LPA: variants seen among roughly 807,000 people sequenced by gnomAD.
LPA encodes the protein apolipoprotein(a).
A neutral mutation model predicts 197.9 loss-of-function variants in LPA; 199 were observed. The ratio of observed to expected loss-of-function variants is 1.01; its 90% confidence interval spans 0.90 to 1.13. The LOEUF (loss-of-function observed/expected upper bound fraction) is 1.13, where lower values mean the gene tolerates loss of function less well. Ranked by LOEUF, LPA falls within the 50% of genes most tolerant of loss-of-function variation. LPA has a pLI of 0.00. For missense variants in LPA, 1,853 were observed against 1,785.8 expected (o/e 1.04, Z -0.68); for synonymous variants, 715 against 639.5 (o/e 1.12, Z -1.78).
rs901195829 is a variant in LPA at position 160,655,094 on chromosome 6, C to T, written c.50-4597G>A. Among the ~76,000 whole-genome samples, 7 of 152,164 alleles carry T rather than the reference C, an allele frequency of 4.6e-5. No homozygotes were observed. In the East Asian group the frequency reaches 5.8e-4, roughly 13 times the overall value. On this transcript the variant is annotated intron_variant, in intron 1 of 38. Transcript: ENST00000316300. ...CCACTTCAATTTGATGATGAAATGCCGCTGTGCTGACCCACTTCATGGCTA... is the reference window on the plus strand; with the variant it reads ...CCACTTCAATTTGATGATGAAATGCTGCTGTGCTGACCCACTTCATGGCTA...
intron 30 of LPA, among the ~76,000 whole-genome samples, chr6:160,551,458 G>C (rs1016964296): frequency 3.9e-5 from 6 of 152,198 alleles, no homozygotes; most frequent in Admixed American, 2.6e-4. Flanking sequence ...TATATGGACA[G>C]AGAGCATTTT....
At chr6:160,551,364 A>C (rs1294215735) in intron 30 of LPA, among the ~76,000 whole-genome samples, 2 of 152,170 alleles carry the variant, frequency 1.3e-5, no homozygotes, top group Non-Finnish European at 2.9e-5. Context: ...ATGCCTATTC[A>C]ATCTGTTGCC....
chr6:160,544,281 G>C (rs1356379437), intron 33 of LPA, among the ~76,000 whole-genome samples: 1 of 152,072 alleles, frequency 6.6e-6, no homozygotes, highest in Non-Finnish European at 1.5e-5. Flanking sequence ...CAGAAGCGGA[G>C]AACTGGAACT....
chr6:160,635,621 T>A (rs1416106175), intron 6 of LPA, among the ~76,000 whole-genome samples: 1 of 124,920 alleles, frequency 8.0e-6, no homozygotes, highest in Non-Finnish European at 1.7e-5. Context: ...TCCTACCCAA[T>A]CCATCTCTCT....
chr6:160,605,244 A>G (rs1412529683), intron 17 of LPA, 39 bp from the exon 18 acceptor site: 1 of 1,608,654 alleles, frequency 6.2e-7, no homozygotes, highest in Non-Finnish European at 8.5e-7. Flanking sequence ...GAGTGTTTCC[A>G]AGAAGAGACA....
Position 160,611,552 on chromosome 6 carries a change from A to G in LPA, c.2603+10T>C, listed in dbSNP as rs375293266. Reference sequence around the variant, plus strand: ...CCTTTATTCTCTTATGGTAAAGAACAAAGACATACGCATTTGGGTAGTATT... The same window carrying G: ...CCTTTATTCTCTTATGGTAAAGAACGAAGACATACGCATTTGGGTAGTATT... On this transcript the variant is annotated intron_variant, in intron 16 of 38. Coordinates refer to ENST00000316300, the MANE Select transcript of LPA (RefSeq NM_005577.4). The G allele has an allele frequency of 6.2e-7, 1 of 1,606,952 alleles. No individual in the cohort carries two copies. Among genetic ancestry groups the G allele is most frequent in the East Asian group, 2.2e-5 (1 of 44,854 alleles).
chr6:160,606,642 A>T lies in LPA; in HGVS notation c.2620T>A (p.Tyr874Asn), dbSNP rs866017029. 7 of 1,614,086 alleles carry T rather than the reference A, an allele frequency of 4.3e-6. No homozygotes were observed. In the Middle Eastern group the frequency reaches 6.6e-4, roughly 153 times the overall value. Reference sequence around the variant, plus strand: ...GCCACAGGATCTGGATTCCTGCAGTAGTTCATGATCAAGCCACTGGAAATT... The same window carrying T: ...GCCACAGGATCTGGATTCCTGCAGTTGTTCATGATCAAGCCACTGGAAATT... The part of the protein sequence containing the change: ...YYPNAGLIMN[Y>N]CRNPDPVAAP... Residue 874 changes from tyrosine to asparagine, a missense_variant, in exon 17 of 39, where the codon TAC (tyrosine) becomes AAC (asparagine). By Grantham distance (143) the Tyr-to-Asn change is moderately radical. Transcript: ENST00000316300.
rs111771659 is a variant in LPA, at chr6:160,611,463, A to T, written c.2603+99T>A. On this transcript the variant is annotated intron_variant, in intron 16 of 38. Transcript: ENST00000316300. ...CATTTTGCTACACCATCTGAATCTG[A>T]CACAAGTTGAGTTCGGAGAACTCAG... 293 of 1,548,024 alleles carry T rather than the reference A, an allele frequency of 1.9e-4. 4 individuals carry two copies. Among genetic ancestry groups the T allele is most frequent in the South Asian group, 1.6e-3 (147 of 89,820 alleles).
At chr6:160,610,565 T>C (rs575002278) in intron 16 of LPA, among the ~76,000 whole-genome samples, 1 of 152,176 alleles carries the variant, frequency 6.6e-6, no homozygotes, top group Admixed American at 6.5e-5. Context: ...ACACTTTCTG[T>C]AGAACCATTT....
At chr6:160,543,808 T>C (rs1778021822) in intron 33 of LPA, among the ~76,000 whole-genome samples, 1 of 152,224 alleles carries the variant, frequency 6.6e-6, no homozygotes, top group African/African-American at 2.4e-5. Flanking sequence ...GGAAATGAAA[T>C]AGTTATTAAA....
intron 28 of LPA, among the ~76,000 whole-genome samples, chr6:160,574,688 G>A (rs1175794074): frequency 4.6e-5 from 7 of 152,170 alleles, no homozygotes; most frequent in Admixed American, 2.6e-4. Flanking sequence ...CTCCAGTTGT[G>A]GGGTGTGTTT....
intron 26 of LPA, among the ~76,000 whole-genome samples, chr6:160,583,032 G>T (rs908377099): frequency 6.6e-6 from 1 of 151,332 alleles, no homozygotes; most frequent in Non-Finnish European, 1.5e-5. Context: ...CTCTCCATTT[G>T]GTCCTTTTAC....
intron 1 of LPA, among the ~76,000 whole-genome samples, chr6:160,660,933 C>T (rs979724871): frequency 3.3e-5 from 5 of 152,134 alleles, no homozygotes; most frequent in African/African-American, 1.2e-4. Flanking sequence ...AACCTGGGAC[C>T]AATACTGCCC....
chr6:160,538,614 A>C (rs1181933793), intron 36 of LPA, among the ~76,000 whole-genome samples: 1 of 152,200 alleles, frequency 6.6e-6, no homozygotes, highest in Non-Finnish European at 1.5e-5. Context: ...TAGTAAGTTC[A>C]AGGGGATAAA....
intron 20 of LPA, among the ~76,000 whole-genome samples, chr6:160,598,124 T>C (rs1419876886): frequency 6.6e-6 from 1 of 152,196 alleles, no homozygotes; most frequent in Non-Finnish European, 1.5e-5. Flanking sequence ...TGGTCAAAAC[T>C]CCAATATTCC....
At chr6:160,611,466 C>G (rs770821053) in intron 16 of LPA, 96 bp downstream of exon 16, 5 of 1,554,294 alleles carry the variant, frequency 3.2e-6, no homozygotes, top group Middle Eastern at 2.3e-4. Flanking sequence ...GAATCTGACA[C>G]AAGTTGAGTT....
intron 26 of LPA, among the ~76,000 whole-genome samples, chr6:160,580,408 G>T (rs1402284889): frequency 6.6e-6 from 1 of 151,998 alleles, no homozygotes; most frequent in Non-Finnish European, 1.5e-5. Flanking sequence ...TTTTCATTTT[G>T]GGGGGTAAAT....
intron 25 of LPA, among the ~76,000 whole-genome samples, chr6:160,585,604 C>T (rs1157903659): frequency 6.6e-6 from 1 of 151,984 alleles, no homozygotes; most frequent in Non-Finnish European, 1.5e-5. Context: ...GGGGGGTATA[C>T]ATGAAACCCT....
At chr6:160,610,801 C>T (rs1308200405) in intron 16 of LPA, among the ~76,000 whole-genome samples, 1 of 152,128 alleles carries the variant, frequency 6.6e-6, no homozygotes, top group African/African-American at 2.4e-5. Context: ...AGGAAGAAAG[C>T]CAAGGCATCT....
Sources: allele counts gnomAD v4.1 joint callset (sites outside exome capture counted in the v4.1 genomes callset), GRCh38; gene constraint gnomAD v4.1.1; transcripts MANE v1.5; gene names NCBI Gene and HGNC (gene_info 2026-07-23, HGNC 2026-07-21).